The following ANKFN1 variants were observed in gnomAD, a reference collection of about 807,000 sequenced individuals.
ANKFN1 encodes the protein ankyrin repeat and fibronectin type III domain containing 1.
In ANKFN1, 74 loss-of-function variants were observed where a neutral mutation model predicts 108.7. The ratio of observed to expected loss-of-function variants is 0.68; its 90% CI spans 0.56 to 0.83. The LOEUF (loss-of-function observed/expected upper bound fraction) is 0.83. ANKFN1 is among the 40% of genes least tolerant of loss of function. ANKFN1 has a pLI of 0.00. For synonymous variants in ANKFN1, 547 were observed against 516.2 expected (o/e 1.06, Z -0.81); for missense variants, 1,505 against 1,382.3 (o/e 1.09, Z -1.41).
At chr17:56,349,572 G>A (rs1429006707) in intron 4 of ANKFN1, among the ~76,000 whole-genome samples, 1 of 152,030 alleles carries the variant, frequency 6.6e-6, no homozygotes, top group Non-Finnish European at 1.5e-5. Flanking sequence ...ACTCTCATAT[G>A]TGCACTCATT....
intron 4 of ANKFN1, among the ~76,000 whole-genome samples, chr17:56,104,797 G>A (rs753546775): frequency 6.6e-6 from 1 of 152,212 alleles, no homozygotes; most frequent in Non-Finnish European, 1.5e-5. Context: ...AAGGGAGGCA[G>A]GTAGTATTGT....
intron 1 of ANKFN1, among the ~76,000 whole-genome samples, chr17:56,154,842 T>G (rs1333843188): frequency 2.6e-5 from 4 of 152,170 alleles, no homozygotes; most frequent in South Asian, 2.1e-4. Context: ...ATTTGTTCCA[T>G]GAAGTGTAGA....
upstream of ANKFN1, among the ~76,000 whole-genome samples, chr17:56,152,303 T>TGTGTGTGTGTGTG (rs1908704082): frequency 2.0e-5 from 3 of 150,664 alleles, no homozygotes; most frequent in Non-Finnish European, 3.0e-5. Context: ...TGTGTGTGTG[T>TGTGTGTGTGTGTG]TTAATTTTTC....
chr17:56,167,698 A>T (rs1910280950), intron 1 of ANKFN1, among the ~76,000 whole-genome samples: 1 of 152,160 alleles, frequency 6.6e-6, no homozygotes, highest in Non-Finnish European at 1.5e-5. Context: ...GCAGGCAAGC[A>T]GGAAGCTCTG....
chr17:56,512,069 G>A lies in ANKFN1; in HGVS notation c.*800G>A, dbSNP rs142841005. Among the ~76,000 whole-genome samples the A allele has an allele frequency of 5.3e-5, 8 of 152,196 alleles. No individual in the cohort carries two copies. Among genetic ancestry groups the A allele is most frequent in the Non-Finnish European group, 8.8e-5 (6 of 68,038 alleles). On this transcript the variant is annotated 3_prime_UTR_variant, in exon 21 of 21. Coordinates refer to ENST00000682825, the MANE Select transcript of ANKFN1 (RefSeq NM_001370326.1). ...TTACAGGGGTCAAGGAGATGGCTAA[G>A]CAAAGTGAAAGCCTGAATTACAGAT...
intron 2 of ANKFN1, among the ~76,000 whole-genome samples, chr17:56,214,474 C>T (rs1157519609): frequency 6.6e-6 from 1 of 152,158 alleles, no homozygotes; most frequent in Non-Finnish European, 1.5e-5. Context: ...GAGATTACAT[C>T]TTTCTTGTAT....
chr17:56,379,004 T>C (rs1184893413), intron 8 of ANKFN1, among the ~76,000 whole-genome samples: 2 of 152,236 alleles, frequency 1.3e-5, no homozygotes, highest in Non-Finnish European at 2.9e-5. Flanking sequence ...TCCAATAATG[T>C]ATATTGTCAA....
At position 56,443,536 on chromosome 17, in the gene ANKFN1, G is replaced by T. The variant is rs539201051; in HGVS notation, c.1099+603G>T. 3.3e-5 allele frequency among the ~76,000 whole-genome samples: 5 copies of T among 152,096 alleles called. No individual in the cohort carries two copies. The South Asian group carries it at 1.0e-3, about 32-fold the overall frequency. On this transcript the variant is annotated intron_variant, in intron 10 of 20. Coordinates refer to ENST00000682825, the MANE Select transcript of ANKFN1 (RefSeq NM_001370326.1). ...AGCTCTCCTCTTCCCTTCCTCACCC[G>T]CAGTGCACACATCCACATCGACCTG...
intron 8 of ANKFN1, among the ~76,000 whole-genome samples, chr17:56,425,233 G>A (rs1215378623): frequency 6.6e-6 from 1 of 152,076 alleles, no homozygotes; most frequent in Admixed American, 6.5e-5. Flanking sequence ...TTGGCTCACA[G>A]ATGCCTCAAT....
chr17:56,466,990 A>T (rs1191775141), intron 15 of ANKFN1, among the ~76,000 whole-genome samples: 1 of 152,072 alleles, frequency 6.6e-6, no homozygotes, highest in Non-Finnish European at 1.5e-5. Flanking sequence ...TGTGGTGCAC[A>T]CTTATAATCT....
intron 3 of ANKFN1, among the ~76,000 whole-genome samples, chr17:56,301,799 A>G (rs373385764): frequency 6.6e-6 from 1 of 152,254 alleles, no homozygotes; most frequent in African/African-American, 2.4e-5. Flanking sequence ...CTGAGACTGC[A>G]TATGACATTG....
At chr17:56,075,946 T>C (rs528082682) in intron 4 of ANKFN1, among the ~76,000 whole-genome samples, 50 of 152,282 alleles carry the variant, frequency 3.3e-4, no homozygotes, top group African/African-American at 1.1e-3. Context: ...ACTGAGAGGC[T>C]TGACACATTT....
intron 8 of ANKFN1, among the ~76,000 whole-genome samples, chr17:56,423,859 C>G (rs1261646155): frequency 6.6e-6 from 1 of 152,158 alleles, no homozygotes; most frequent in African/African-American, 2.4e-5. Context: ...AATTCTAGGG[C>G]AAAGATAAAT....
At chr17:56,443,731 T>C (rs187753840) in intron 10 of ANKFN1, among the ~76,000 whole-genome samples, 56 of 152,364 alleles carry the variant, frequency 3.7e-4, no homozygotes, top group African/African-American at 1.3e-3. Context: ...TAATTGTCTA[T>C]GCCAGGTATG....
At chr17:56,310,971 C>T (rs1313494452) in intron 3 of ANKFN1, among the ~76,000 whole-genome samples, 1 of 152,196 alleles carries the variant, frequency 6.6e-6, no homozygotes, top group African/African-American at 2.4e-5. Flanking sequence ...CTCTCTGCTT[C>T]TGAGTTCAAC....
intron 8 of ANKFN1, among the ~76,000 whole-genome samples, chr17:56,416,204 T>G (rs551228580): frequency 7.2e-4 from 110 of 152,178 alleles, no homozygotes; most frequent in African/African-American, 2.5e-3. Flanking sequence ...AAGCAAAAAT[T>G]CTCAAATGGG....
upstream of ANKFN1, among the ~76,000 whole-genome samples, chr17:56,152,254 A>ATGTGTG (rs767291179): frequency 2.2e-3 from 171 of 78,404 alleles, no homozygotes; most frequent in African/African-American, 6.5e-3. Flanking sequence ...AAATATATAT[A>ATGTGTG]TATATATATG....
chr17:56,385,443 T>C (rs1181559175), intron 8 of ANKFN1, among the ~76,000 whole-genome samples: 1 of 152,102 alleles, frequency 6.6e-6, no homozygotes, highest in Non-Finnish European at 1.5e-5. Context: ...CCAACAGCAA[T>C]GGCAACAAAA....
Position 56,442,907 on chromosome 17 carries a change from C to A in ANKFN1, c.1073C>A (p.Thr358Lys). 6.2e-7 allele frequency: 1 copy of A among 1,613,772 alleles called. No individual in the cohort carries two copies. The part of the protein sequence containing the change: ...NMKGWGPAQT[T>K]TPACASPSNW... ...AAAGGATGGGGACCTGCTCAGACCACGACACCGGCATGTGCCTCTCCTTCT... is the reference window on the plus strand; with the variant it reads ...AAAGGATGGGGACCTGCTCAGACCAAGACACCGGCATGTGCCTCTCCTTCT... The change falls in exon 10 of 21, where the codon ACG becomes AAG. Residue 358 changes from threonine (T) to lysine (K), a missense_variant. Transcript: ENST00000682825.
Sources: gnomAD v4.1 joint callset for allele counts (sites outside exome capture counted in the v4.1 genomes callset) on GRCh38, gnomAD v4.1.1 for gene constraint, MANE v1.5 for transcripts, NCBI Gene and HGNC (gene_info 2026-07-23, HGNC 2026-07-21) for gene names.